Variants in MECOM observed in about 807,000 individuals in gnomAD.
MECOM encodes histone-lysine N-methyltransferase MECOM.
A neutral mutation model predicts 116.3 loss-of-function variants in MECOM; 13 were observed. That is an observed-to-expected ratio of 0.11 (90% CI 0.07 to 0.18). The LOEUF is 0.18. MECOM is among the 10% of genes least tolerant of loss of function. The probability of loss-of-function intolerance (pLI) is 1.00; values close to 1 mark genes in which losing one functional copy is unlikely to be tolerated. For synonymous variants in MECOM, 528 were observed against 535.2 expected, an observed-to-expected ratio of 0.99 and a Z score of 0.19; for missense variants, 1,299 against 1,509.0, an observed-to-expected ratio of 0.86 and a Z score of 2.31.
At chr3:169,413,928 G>T (rs1738049623) in intron 1 of MECOM, among the ~76,000 whole-genome samples, 1 of 152,160 alleles carries the variant, frequency 6.6e-6, no homozygotes. Context: ...CTGGAACAGA[G>T]AACCTGGGGG....
intron 1 of MECOM, among the ~76,000 whole-genome samples, chr3:169,469,703 A>G (rs969453813): frequency 7.9e-5 from 12 of 152,212 alleles, no homozygotes; most frequent in African/African-American, 2.7e-4. Context: ...TTTTTCCAGA[A>G]AAGTCATTAA....
At chr3:169,270,829 C>T (rs1202233901) in intron 2 of MECOM, among the ~76,000 whole-genome samples, 3 of 151,784 alleles carry the variant, frequency 2.0e-5, no homozygotes, top group East Asian at 1.9e-4. Context: ...AATAACTGGC[C>T]CAAATTCATG....
chr3:169,539,630 G>T (rs1381992703), intron 1 of MECOM, among the ~76,000 whole-genome samples: 1 of 152,070 alleles, frequency 6.6e-6, no homozygotes, highest in Non-Finnish European at 1.5e-5. Flanking sequence ...ACTATCCCCA[G>T]TGCAAAGACT....
chr3:169,595,132 G>T (rs1294484044), intron 1 of MECOM, among the ~76,000 whole-genome samples: 1 of 152,000 alleles, frequency 6.6e-6, no homozygotes, highest in Non-Finnish European at 1.5e-5. Flanking sequence ...ATGCTTAATG[G>T]TATCTGCCCA....
rs1755220657 is a variant in MECOM at position 169,243,924 on chromosome 3, T to C, written c.376-100092A>G. Among the ~76,000 whole-genome samples, 5 of 152,304 alleles carry C rather than the reference T, an allele frequency of 3.3e-5. No homozygotes were observed. In the South Asian group the frequency reaches 1.0e-3, roughly 32 times the overall value. ...CTGACAGGCCTAACCCTCAAAAGTC[T>C]CCAGGAGACCCCAAAGCCCCCTTTG... On this transcript the variant is annotated intron_variant, in intron 2 of 16. Transcript: ENST00000651503.
At chr3:169,562,216 A>T (rs1162016329) in intron 1 of MECOM, among the ~76,000 whole-genome samples, 3 of 151,228 alleles carry the variant, frequency 2.0e-5, no homozygotes, top group Non-Finnish European at 4.4e-5. Flanking sequence ...AGCACCTAAA[A>T]CATTCTTTAT....
At chr3:169,244,681 A>G (rs1755357110) in intron 2 of MECOM, among the ~76,000 whole-genome samples, 1 of 152,190 alleles carries the variant, frequency 6.6e-6, no homozygotes, top group African/African-American at 2.4e-5. Flanking sequence ...TGCAGAACCT[A>G]CCAGAGTCTG....
rs149311914 is a variant in MECOM at position 169,213,699 on chromosome 3, G to C, written c.376-69867C>G. ...AAAAAATCGGCAAAGTTATGTTTTG[G>C]TACTCTTTAAAGACTGACCTGACTT... is the stretch of plus-strand genomic sequence containing the variant. On this transcript the variant is annotated intron_variant, in intron 2 of 16. Transcript: ENST00000651503. Among the ~76,000 whole-genome samples, 18 of 152,150 alleles carry C rather than the reference G, an allele frequency of 1.2e-4. No individual in the cohort carries two copies. The East Asian group carries it at 3.3e-3, about 28-fold the overall frequency.
At chr3:169,259,813 T>G (rs1577496863) in intron 2 of MECOM, among the ~76,000 whole-genome samples, 1 of 152,264 alleles carries the variant, frequency 6.6e-6, no homozygotes, top group Non-Finnish European at 1.5e-5. Context: ...AAGAATGTGT[T>G]TGCTGAAAGC....
chr3:169,145,061 T>G (rs1739372010), intron 2 of MECOM: 1 of 1,529,620 alleles, frequency 6.5e-7, no homozygotes, highest in African/African-American at 1.4e-5. Flanking sequence ...GAATAAGCCT[T>G]TGGCCATGAG....
At chr3:169,285,916 T>A (rs1347338272) in intron 2 of MECOM, among the ~76,000 whole-genome samples, 2 of 152,218 alleles carry the variant, frequency 1.3e-5, no homozygotes, top group African/African-American at 4.8e-5. Context: ...AACAGCTGTT[T>A]TCAACCAACT....
chr3:169,265,882 A>G (rs912616578), intron 2 of MECOM, among the ~76,000 whole-genome samples: 1 of 152,162 alleles, frequency 6.6e-6, no homozygotes, highest in African/African-American at 2.4e-5. Flanking sequence ...ACGAGGCAGC[A>G]GTACTGTGCT....
intron 2 of MECOM, among the ~76,000 whole-genome samples, chr3:169,300,443 CACA>C (rs1329629408): frequency 2.0e-5 from 3 of 152,164 alleles, no homozygotes; most frequent in Non-Finnish European, 4.4e-5. Context: ...TATACTATCT[CACA>C]ACATTTTAGT....
chr3:169,191,736 G>GAAA (rs1278746792), intron 2 of MECOM, among the ~76,000 whole-genome samples: 3 of 31,174 alleles, frequency 9.6e-5, no homozygotes, highest in Non-Finnish European at 2.9e-4. Context: ...AAGAAAGAAA[G>GAAA]AAAGAGAAAG....
At position 169,116,627 on chromosome 3, in the gene MECOM, G is replaced by A; in HGVS notation, c.1245C>T (p.Ser415=). 6.2e-7 allele frequency: 1 copy of A among 1,614,180 alleles called. No individual in the cohort carries two copies. Among genetic ancestry groups the A allele is most frequent in the Non-Finnish European group, 8.5e-7 (1 of 1,180,026 alleles). Residue 415 remains serine, a synonymous_variant, in exon 8 of 17, where the codon AGC becomes AGT. Transcript: ENST00000651503. ...TGTGTTTATTTAAGGAAGACGTAGT[G>A]CTGAACATTTGTCCACAGTCTTTGC... ...IKCKDCGQMF[S]TTSSLNKHRR...
intron 2 of MECOM, among the ~76,000 whole-genome samples, chr3:169,293,757 T>G (rs563547941): frequency 6.6e-6 from 1 of 152,344 alleles, no homozygotes; most frequent in South Asian, 2.1e-4. Context: ...TTGTCTAGAT[T>G]TCAGAATAGT....
chr3:169,212,241 C>A (rs1186338503), intron 2 of MECOM, among the ~76,000 whole-genome samples: 1 of 152,046 alleles, frequency 6.6e-6, no homozygotes, highest in African/African-American at 2.4e-5. Context: ...GAATACCCCA[C>A]AACTGCTTCT....
rs1733365495 is a variant in MECOM, at chr3:169,127,755, A to G, written c.830+89T>C. ...CATTTGTCCAGCTCACTGGAGTTCC[A>G]AATTTTCCATCTGCACAAAGCCTCA... On this transcript the variant is annotated intron_variant, in intron 5 of 16. Coordinates refer to ENST00000651503, the MANE Select transcript of MECOM (RefSeq NM_004991.4). 6.8e-6 allele frequency: 8 copies of G among 1,174,194 alleles called. 1 individual carries two copies. In the East Asian group the frequency reaches 1.4e-4, roughly 21 times the overall value. 72.7% of individuals were successfully genotyped at this position (1,174,194 alleles called of 1,614,324 possible).
intron 2 of MECOM, among the ~76,000 whole-genome samples, chr3:169,194,045 T>C (rs1335883045): frequency 6.6e-6 from 1 of 151,984 alleles, no homozygotes; most frequent in Non-Finnish European, 1.5e-5. Flanking sequence ...TTAATGAAAA[T>C]TTTATTGAAT....
Sources: gnomAD v4.1 joint callset for allele counts (sites outside exome capture counted in the v4.1 genomes callset) on GRCh38, gnomAD v4.1.1 for gene constraint, MANE v1.5 for transcripts, NCBI Gene and HGNC (gene_info 2026-07-23, HGNC 2026-07-21) for gene names.